The following RIMS4 variants were observed in gnomAD, a reference collection of about 807,000 sequenced individuals.
RIMS4 encodes the protein regulating synaptic membrane exocytosis 4.
Under a neutral mutation model 29.0 loss-of-function variants are expected in RIMS4, and 9 were observed. The ratio of observed to expected loss-of-function variants is 0.31; its 90% CI spans 0.19 to 0.54. The LOEUF (loss-of-function observed/expected upper bound fraction) is 0.54. Ranked by LOEUF, RIMS4 falls within the 20% of genes least tolerant of loss-of-function variation. RIMS4 has a pLI of 0.94. For missense variants in RIMS4, 193 were observed against 365.7 expected, an observed-to-expected ratio of 0.53 and a Z score of 3.85; for synonymous variants, 130 against 152.9, an observed-to-expected ratio of 0.85 and a Z score of 1.10.
Position 44,804,004 on chromosome 20 carries a change from T to C in RIMS4, c.97+6171A>G, listed in dbSNP as rs6103873. ...ACAAGCACAGCCCCAGGAGCTTACA[T>C]AGTCCTGTCCCACCCAGGATCTCAT... On this transcript the variant is annotated intron_variant, in intron 1 of 5. Transcript: ENST00000372851. Among the ~76,000 whole-genome samples, 970 of 152,296 alleles carry C rather than the reference T, an allele frequency of 6.4e-3. 9 individuals carry two copies. Among genetic ancestry groups the C allele is most frequent in the African/African-American group, 0.021 (874 of 41,552 alleles).
intron 1 of RIMS4, among the ~76,000 whole-genome samples, chr20:44,774,292 AT>A (rs2066150212): frequency 1.3e-5 from 2 of 151,958 alleles, no homozygotes; most frequent in Admixed American, 6.6e-5. Context: ...TGTCAACTCG[AT>A]TGGATTGAAG....
intron 2 of RIMS4, among the ~76,000 whole-genome samples, chr20:44,759,927 T>A (rs1377784412): frequency 6.6e-6 from 1 of 152,216 alleles, no homozygotes; most frequent in Non-Finnish European, 1.5e-5. Flanking sequence ...TTTCCTGATT[T>A]CCTACTACCC....
At chr20:44,759,631 C>T (rs1374866941) in intron 2 of RIMS4, among the ~76,000 whole-genome samples, 1 of 152,236 alleles carries the variant, frequency 6.6e-6, no homozygotes, top group Non-Finnish European at 1.5e-5. Context: ...AAGGGTGACC[C>T]TATTCCCTGG....
At chr20:44,761,599 G>A (rs1015288725) in intron 2 of RIMS4, among the ~76,000 whole-genome samples, 1 of 152,186 alleles carries the variant, frequency 6.6e-6, no homozygotes, top group East Asian at 1.9e-4. Flanking sequence ...AGCTCCAGCT[G>A]CCCTTAGTGG....
chr20:44,774,768 C>T (rs922164187), intron 1 of RIMS4, among the ~76,000 whole-genome samples: 27 of 152,252 alleles, frequency 1.8e-4, no homozygotes, highest in African/African-American at 2.4e-4. Context: ...AGGAAGGGGC[C>T]GTCCTTCTCC....
intron 1 of RIMS4, among the ~76,000 whole-genome samples, chr20:44,796,281 G>A (rs1337166062): frequency 3.9e-5 from 6 of 152,110 alleles, no homozygotes; most frequent in African/African-American, 1.4e-4. Context: ...TCTTCAAGCT[G>A]TGTAATGTCC....
At chr20:44,761,414 A>G (rs6073543) in intron 2 of RIMS4, among the ~76,000 whole-genome samples, 255 of 152,294 alleles carry the variant, frequency 1.7e-3, no homozygotes, top group Non-Finnish European at 3.2e-3. Context: ...TCTGGCTGTG[A>G]GAATTCTGAA....
At chr20:44,768,329 G>A (rs969877569) in intron 2 of RIMS4, among the ~76,000 whole-genome samples, 2 of 152,130 alleles carry the variant, frequency 1.3e-5, no homozygotes, top group South Asian at 2.1e-4. Context: ...GAATACATAC[G>A]CCTGGTGATC....
In RIMS4 at chr20:44,810,501, C is replaced by CGGCGGCGGCGGCGGT. The variant is rs1328897938; in HGVS notation, c.-245_-231dup. Among the ~76,000 whole-genome samples the CGGCGGCGGCGGCGGT allele has an allele frequency of 2.8e-4, 40 of 140,638 alleles. No homozygotes were observed. The highest frequency in any genetic ancestry group is 4.7e-4 in the Non-Finnish European group (30 of 63,304). The allele number at this position is 140,638 out of a possible 152,430, so 92.3% of individuals were successfully genotyped here. ...AGGCGCGCTGTGCTGCTGGCGGCGG[C>CGGCGGCGGCGGCGGT]GGCGGCGGCGGCGGTGGCGGCGGCG... On this transcript the variant is annotated 5_prime_UTR_variant, in exon 1 of 6. Transcript: ENST00000372851.
intron 1 of RIMS4, among the ~76,000 whole-genome samples, chr20:44,786,367 C>A (rs2066208607): frequency 6.6e-6 from 1 of 152,172 alleles, no homozygotes; most frequent in Admixed American, 6.5e-5. Flanking sequence ...TCTCTCACAG[C>A]CCCATCCCAT....
intron 1 of RIMS4, among the ~76,000 whole-genome samples, chr20:44,792,865 G>A (rs2066238923): frequency 6.6e-6 from 1 of 152,178 alleles, no homozygotes; most frequent in African/African-American, 2.4e-5. Flanking sequence ...GTTCGGGTCT[G>A]TGGGGTCAGA....
intron 1 of RIMS4, among the ~76,000 whole-genome samples, chr20:44,778,241 T>C (rs1476403110): frequency 2.6e-5 from 4 of 152,236 alleles, no homozygotes; most frequent in Non-Finnish European, 5.9e-5. Context: ...CCCTTCTCCC[T>C]GGAGCTATAG....
chr20:44,804,262 T>A (rs1027309169), intron 1 of RIMS4, among the ~76,000 whole-genome samples: 13 of 152,366 alleles, frequency 8.5e-5, no homozygotes, highest in Admixed American at 7.8e-4. Flanking sequence ...TTTATTTTTA[T>A]AATCCTGAGA....
intron 2 of RIMS4, among the ~76,000 whole-genome samples, chr20:44,767,701 G>A (rs748747820): frequency 1.3e-5 from 2 of 152,230 alleles, no homozygotes; most frequent in African/African-American, 2.4e-5. Flanking sequence ...CCCTCTCTGA[G>A]CTTCCATTTC....
At chr20:44,775,646 T>C (rs2066157049) in intron 1 of RIMS4, among the ~76,000 whole-genome samples, 1 of 152,200 alleles carries the variant, frequency 6.6e-6, no homozygotes, top group Non-Finnish European at 1.5e-5. Flanking sequence ...GCGTGTCTCC[T>C]GCCCTGTCTT....
At chr20:44,792,886 G>A (rs550649693) in intron 1 of RIMS4, among the ~76,000 whole-genome samples, 1 of 152,252 alleles carries the variant, frequency 6.6e-6, no homozygotes, top group East Asian at 1.9e-4. Flanking sequence ...AGAACTCCCG[G>A]ACAGAGTGCT....
Position 44,756,440 on chromosome 20 carries a change from C to A in RIMS4, c.592-88G>T, listed in dbSNP as rs574514435. 1.9e-6 allele frequency: 2 copies of A among 1,046,358 alleles called. No individual in the cohort carries two copies. Among genetic ancestry groups the A allele is most frequent in the Non-Finnish European group, 2.8e-6 (2 of 702,264 alleles). 64.8% of individuals were successfully genotyped at this position (1,046,358 alleles called of 1,614,324 possible). ...AACCTGGGTCGCCCCATGCCCAATC[C>A]AGCTCAGTCCTGTGATTTCTACCTC... is the stretch of plus-strand genomic sequence containing the variant. On this transcript the variant is annotated intron_variant, in intron 5 of 5. Coordinates refer to ENST00000372851, the MANE Select transcript of RIMS4 (RefSeq NM_182970.4). This position sits in a 1 kb window ranked among gnomAD's most constrained non-coding sequence, Gnocchi z 5.9.
chr20:44,777,187 C>T (rs79738258), intron 1 of RIMS4, among the ~76,000 whole-genome samples: 2 of 152,302 alleles, frequency 1.3e-5, no homozygotes, highest in African/African-American at 4.8e-5. Context: ...TTCCATTCAG[C>T]ACCAGGGATA....
At chr20:44,770,462 C>T (rs1050238837) in intron 2 of RIMS4, among the ~76,000 whole-genome samples, 21 of 152,086 alleles carry the variant, frequency 1.4e-4, no homozygotes, top group Non-Finnish European at 4.4e-5. Flanking sequence ...GCACTGAGGG[C>T]TGTGTGTATT....
Sources: allele counts gnomAD v4.1 joint callset (sites outside exome capture counted in the v4.1 genomes callset), GRCh38; gene constraint gnomAD v4.1.1; non-coding constraint Gnocchi (gnomAD v3.1); transcripts MANE v1.5; gene names NCBI Gene and HGNC (gene_info 2026-07-23, HGNC 2026-07-21).